The following RASSF3 variants were observed in gnomAD, a reference collection of about 807,000 sequenced individuals.
RASSF3 encodes the protein Ras association domain family member 3.
A neutral mutation model predicts 19.9 loss-of-function variants in RASSF3; 19 were observed. The ratio of observed to expected loss-of-function variants is 0.96; its 90% CI spans 0.67 to 1.40. The LOEUF (loss-of-function observed/expected upper bound fraction) is 1.40, where lower values mean the gene tolerates loss of function less well. RASSF3 is among the 40% of genes most tolerant of loss of function. RASSF3 has a pLI of 0.00. For missense variants in RASSF3, 306 were observed against 289.8 expected, an observed-to-expected ratio of 1.06 and a Z score of -0.41; for synonymous variants, 110 against 104.2, an observed-to-expected ratio of 1.06 and a Z score of -0.34.
chr12:64,559,424 TG>T (rs568332243), intron 2 of RASSF3, among the ~76,000 whole-genome samples: 3 of 150,138 alleles, frequency 2.0e-5, no homozygotes, highest in Admixed American at 6.6e-5. Context: ...TTGTTTTTGT[TG>T]TTGTTGTTGT....
chr12:64,659,695 C>T (rs1338987385), intron 1 of RASSF3, among the ~76,000 whole-genome samples: 1 of 152,076 alleles, frequency 6.6e-6, no homozygotes, highest in African/African-American at 2.4e-5. Context: ...TGCCTGTAAT[C>T]CCAGCACTTT....
intron 1 of RASSF3, among the ~76,000 whole-genome samples, chr12:64,684,427 G>GTTTTT (rs1188238001): frequency 1.5e-4 from 9 of 59,054 alleles, no homozygotes; most frequent in African/African-American, 5.2e-4. Context: ...CTGTTTGTTT[G>GTTTTT]TTTGTTTGTT....
chr12:64,563,384 G>C (rs1042184891), intron 2 of RASSF3, among the ~76,000 whole-genome samples: 2 of 151,812 alleles, frequency 1.3e-5, no homozygotes, highest in African/African-American at 4.8e-5. Context: ...TGGCCAGGCT[G>C]GTCTCGATCT....
intron 2 of RASSF3, among the ~76,000 whole-genome samples, chr12:64,580,455 C>T (rs929060995): frequency 6.6e-6 from 1 of 151,920 alleles, no homozygotes; most frequent in Non-Finnish European, 1.5e-5. Context: ...TCCCAGATTC[C>T]TGGGAGGCTG....
At chr12:64,694,350 G>A (rs1255624335) in intron 4 of RASSF3, among the ~76,000 whole-genome samples, 2 of 152,190 alleles carry the variant, frequency 1.3e-5, no homozygotes, top group African/African-American at 4.8e-5. Flanking sequence ...GCTGAATGGA[G>A]AACTGTTTGG....
chr12:64,550,266 CAAGAAAGGGAAAGGAAACGAGAAGGGGA>C (rs1371421664), intron 2 of RASSF3, among the ~76,000 whole-genome samples: 1 of 146,900 alleles, frequency 6.8e-6, no homozygotes, highest in Non-Finnish European at 1.5e-5. Context: ...AAGGGGAAAA[CAAGAAAGGGAAAGGAAACGAGAAGGGGA>C]AAGAAAGGGA....
intron 1 of RASSF3, among the ~76,000 whole-genome samples, chr12:64,611,966 G>T (rs1379968370): frequency 6.6e-6 from 1 of 152,190 alleles, no homozygotes; most frequent in Non-Finnish European, 1.5e-5. Flanking sequence ...TTCAGTAACC[G>T]CAGTTAATCT....
chr12:64,577,988 G>T lies in RASSF3; in HGVS notation c.294+36283G>T, dbSNP rs568936085. Among the ~76,000 whole-genome samples the T allele has an allele frequency of 2.0e-5, 3 of 152,188 alleles. No individual in the cohort carries two copies. The East Asian group carries it at 5.8e-4, about 29-fold the overall frequency. On this transcript the variant is annotated intron_variant, in intron 2 of 5. Transcript: ENST00000637125. ...AATCCCAGCACTTTGGGAGGCCGAGGTGGGCAGATTACTTGAGGTCAGGAG... is the reference window on the plus strand; with the variant it reads ...AATCCCAGCACTTTGGGAGGCCGAGTTGGGCAGATTACTTGAGGTCAGGAG...
chr12:64,691,404 A>G (rs1868277953), intron 3 of RASSF3, 66 bp from the exon 4 acceptor site: 5 of 1,068,890 alleles, frequency 4.7e-6, no homozygotes, highest in African/African-American at 1.5e-5. Context: ...GGAGGGGATC[A>G]CAATGGGGAA....
rs111728273 is a variant in RASSF3, at chr12:64,641,891, T to C, written c.111+31148T>C. On this transcript the variant is annotated intron_variant, in intron 1 of 4. Transcript: ENST00000542104. Reference sequence around the variant, plus strand: ...CCGAGTAGCTGGGATAACAGGCATGTGCCACCACGCCCGGCTAATTTTGTA... The same window carrying C: ...CCGAGTAGCTGGGATAACAGGCATGCGCCACCACGCCCGGCTAATTTTGTA... 7.1e-3 allele frequency among the ~76,000 whole-genome samples: 1,058 copies of C among 149,556 alleles called. 14 individuals carry two copies. Among genetic ancestry groups the C allele is most frequent in the African/African-American group, 0.025 (1,020 of 40,866 alleles).
chr12:64,606,498 C>T (rs1870195087), upstream of RASSF3, among the ~76,000 whole-genome samples: 1 of 152,168 alleles, frequency 6.6e-6, no homozygotes, highest in Non-Finnish European at 1.5e-5. Flanking sequence ...AAGACATTGT[C>T]ATCCCCATTT....
intron 2 of RASSF3, among the ~76,000 whole-genome samples, chr12:64,569,663 C>T (rs1371246861): frequency 6.6e-6 from 1 of 152,142 alleles, no homozygotes; most frequent in Non-Finnish European, 1.5e-5. Context: ...TTCAAGTAAG[C>T]AACTTAAAAA....
At chr12:64,561,439 C>T (rs1364035232) in intron 2 of RASSF3, among the ~76,000 whole-genome samples, 1 of 152,180 alleles carries the variant, frequency 6.6e-6, no homozygotes, top group Non-Finnish European at 1.5e-5. Flanking sequence ...TTTCTGGCCC[C>T]AGGGACTAGA....
intron 1 of RASSF3, among the ~76,000 whole-genome samples, chr12:64,520,555 C>CATTATAT (rs1868454958): frequency 1.2e-5 from 1 of 86,346 alleles, no homozygotes; most frequent in African/African-American, 3.7e-5. Context: ...CACATACACA[C>CATTATAT]ATATATATAT....
chr12:64,622,182 T>C (rs1269553), intron 1 of RASSF3, among the ~76,000 whole-genome samples: 119,674 of 151,416 alleles, frequency 0.79, 47,659 homozygotes, highest in African/African-American at 0.85. Flanking sequence ...TCCTGAGTAG[T>C]TGGGATTACA....
In RASSF3 at chr12:64,696,624, G is replaced by A. The variant is rs943330568; in HGVS notation, c.*1712G>A. On this transcript the variant is annotated 3_prime_UTR_variant, in exon 5 of 5. Coordinates refer to ENST00000542104, the MANE Select transcript of RASSF3 (RefSeq NM_178169.4). Reference sequence around the variant, plus strand: ...TGTGCCTTTTATTGCATTTCTGTTCGTCTCTTGGTGGCTCTTCTGACTTTT... The same window carrying A: ...TGTGCCTTTTATTGCATTTCTGTTCATCTCTTGGTGGCTCTTCTGACTTTT... 16 of 151,642 alleles carry A rather than the reference G, an allele frequency of 1.1e-4. No homozygotes were observed. The highest frequency in any genetic ancestry group is 3.9e-4 in the Admixed American group (6 of 15,226). 9.4% of individuals were successfully genotyped at this position (151,642 alleles called of 1,614,324 possible).
At chr12:64,578,588 G>A (rs1055760105) in intron 2 of RASSF3, among the ~76,000 whole-genome samples, 2 of 152,198 alleles carry the variant, frequency 1.3e-5, no homozygotes, top group African/African-American at 4.8e-5. Flanking sequence ...GAGGCCAAGA[G>A]TTTGAGACCA....
chr12:64,516,492 G>A (rs887290818), intron 1 of RASSF3, among the ~76,000 whole-genome samples: 3 of 150,154 alleles, frequency 2.0e-5, no homozygotes, highest in South Asian at 2.1e-4. Flanking sequence ...AGTGGCGGGC[G>A]CCTGTAGTCC....
chr12:64,558,711 T>C (rs764710051), intron 2 of RASSF3, among the ~76,000 whole-genome samples: 1 of 152,156 alleles, frequency 6.6e-6, no homozygotes, highest in Non-Finnish European at 1.5e-5. Context: ...GGAGTGGCTG[T>C]AAGGATTATT....
Sources: gnomAD v4.1 joint callset for allele counts (sites outside exome capture counted in the v4.1 genomes callset) on GRCh38, gnomAD v4.1.1 for gene constraint, MANE v1.5 for transcripts, NCBI Gene and HGNC (gene_info 2026-07-23, HGNC 2026-07-21) for gene names.